The following ABCG5 variants were observed in gnomAD, a reference collection of about 807,000 sequenced individuals.
ABCG5 encodes the protein ATP binding cassette subfamily G member 5.
ABCG5 carries 64 observed loss-of-function variants against 64.5 expected under a neutral mutation model. The ratio of observed to expected loss-of-function variants is 0.99; its 90% CI spans 0.81 to 1.22. The LOEUF (loss-of-function observed/expected upper bound fraction) is 1.22, where lower values mean the gene tolerates loss of function less well. ABCG5 is among the 50% of genes most tolerant of loss of function. ABCG5 has a pLI of 0.00. For missense variants in ABCG5, 908 were observed against 829.5 expected, an observed-to-expected ratio of 1.09 and a Z score of -1.16; for synonymous variants, 385 against 326.3, an observed-to-expected ratio of 1.18 and a Z score of -1.94.
Position 43,824,015 on chromosome 2 carries a change from G to GA in ABCG5, c.1221_1222insT (p.Arg408SerfsTer88). 1 of 1,614,158 alleles carries GA rather than the reference G, an allele frequency of 6.2e-7. No homozygotes were observed. The highest frequency in any genetic ancestry group is 8.5e-7 in the Non-Finnish European group (1 of 1,180,032). ...ATAGCACCCTTTAGCACATTGCTTC[G>GA]GACCCGCAGAACGAAGAAAAGGAGG... On this transcript the variant is annotated frameshift_variant, in exon 9 of 13. Coordinates refer to ENST00000405322, the MANE Select transcript of ABCG5 (RefSeq NM_022436.3). LOFTEE classifies it high-confidence loss of function.
chr2:43,824,202 A>C lies in ABCG5; in HGVS notation c.1118+17T>G. 2 of 1,614,156 alleles carry C rather than the reference A, an allele frequency of 1.2e-6. No homozygotes were observed. Among genetic ancestry groups the C allele is most frequent in the Non-Finnish European group, 1.7e-6 (2 of 1,179,996 alleles). On this transcript the variant is annotated intron_variant, in intron 8 of 12. Coordinates refer to ENST00000405322, the MANE Select transcript of ABCG5 (RefSeq NM_022436.3). Reference sequence around the variant, plus strand: ...AAGACCTCTAACAGGCATTTCTCACATTTGTGAGCCTCTTACCTCAGGAGA... The same window carrying C: ...AAGACCTCTAACAGGCATTTCTCACCTTTGTGAGCCTCTTACCTCAGGAGA...
In ABCG5 at chr2:43,838,144, G is replaced by C; in HGVS notation, c.144-189C>G. The C allele has an allele frequency of 1.4e-6, 1 of 724,274 alleles. No homozygotes were observed. Among genetic ancestry groups the C allele is most frequent in the South Asian group, 1.8e-5 (1 of 56,474 alleles). The allele number at this position is 724,274 out of a possible 1,614,324, so 44.9% of individuals were successfully genotyped here. ...GCGACTGAGGCTGTCTGCCACGTAG[G>C]GAGGGGGCCTGTGCTGGAGTTGCTC... On this transcript the variant is annotated intron_variant, in intron 1 of 12. Transcript: ENST00000405322. The surrounding 1 kb of genome is among the most constrained non-coding windows in gnomAD (Gnocchi z 4.2).
chr2:43,815,927 A>AG (rs1666791336), intron 11 of ABCG5, among the ~76,000 whole-genome samples: 4 of 146,852 alleles, frequency 2.7e-5, no homozygotes, highest in Non-Finnish European at 5.9e-5. Context: ...AAAAAAAAAA[A>AG]GGACCAGACT....
upstream of ABCG5, chr2:43,839,137 C>G: frequency 6.4e-7 from 1 of 1,550,840 alleles, no homozygotes; most frequent in Non-Finnish European, 8.7e-7. Context: ...AATGGGAAGT[C>G]GGCCCAGGCC....
intron 10 of ABCG5, 24 bp downstream of exon 10, chr2:43,822,773 T>C (rs1310953735): frequency 1.9e-6 from 3 of 1,613,636 alleles, no homozygotes; most frequent in Non-Finnish European, 2.5e-6. Context: ...AGCCCGGCCC[T>C]GGGTGAACTG....
At chr2:43,810,416 C>A (rs1159992696), downstream of ABCG5, 1 of 985,244 alleles carries the variant, frequency 1.0e-6, no homozygotes, top group Non-Finnish European at 1.2e-6. Flanking sequence ...AGAAGCAGGA[C>A]AAAACATCAT....
At chr2:43,822,968 G>C in intron 9 of ABCG5, 33 bp from the exon 10 acceptor site, 10 of 1,612,322 alleles carry the variant, frequency 6.2e-6, no homozygotes, top group Non-Finnish European at 8.5e-6. Flanking sequence ...AGAACAGTCA[G>C]TCACCACCCA....
At chr2:43,832,964 T>G (rs6544712) in intron 2 of ABCG5, among the ~76,000 whole-genome samples, 3 of 151,786 alleles carry the variant, frequency 2.0e-5, no homozygotes, top group African/African-American at 2.4e-5. Flanking sequence ...CATGCACCAC[T>G]ACACCCGGCT....
chr2:43,818,873 T>A (rs1171301550), intron 11 of ABCG5, among the ~76,000 whole-genome samples: 1 of 152,176 alleles, frequency 6.6e-6, no homozygotes, highest in Non-Finnish European at 1.5e-5. Context: ...GAAATAGTGA[T>A]CTCTTTTTTA....
intron 7 of ABCG5, 30 bp downstream of exon 7, chr2:43,824,859 C>A: frequency 1.2e-6 from 2 of 1,612,714 alleles, no homozygotes; most frequent in South Asian, 1.1e-5. Context: ...AAAAAACATT[C>A]ATGATGGGGA....
intron 11 of ABCG5, among the ~76,000 whole-genome samples, chr2:43,819,141 T>G (rs936235277): frequency 7.9e-5 from 12 of 152,204 alleles, no homozygotes; most frequent in Admixed American, 5.2e-4. Context: ...GATTTTTACA[T>G]TTTTAAGTCA....
intron 4 of ABCG5, among the ~76,000 whole-genome samples, chr2:43,829,604 C>T (rs1024031646): frequency 6.6e-6 from 1 of 152,210 alleles, no homozygotes; most frequent in Non-Finnish European, 1.5e-5. Context: ...CAGCTTATCT[C>T]CTCTCCAGAG....
chr2:43,823,051 G>C (rs948646134), intron 9 of ABCG5, 116 bp from the exon 10 acceptor site: 1 of 1,420,120 alleles, frequency 7.0e-7, no homozygotes, highest in African/African-American at 1.4e-5. Flanking sequence ...CCAGCTAGGG[G>C]GGTTCCCTAG....
At chr2:43,828,356 C>A in intron 4 of ABCG5, 1 of 537,910 alleles carries the variant, frequency 1.9e-6, no homozygotes, top group Non-Finnish European at 3.3e-6. Flanking sequence ...TCCCCAGAGG[C>A]TGGGTGCAGT....
At chr2:43,830,659 A>G (rs546984414) in intron 4 of ABCG5, among the ~76,000 whole-genome samples, 20 of 152,256 alleles carry the variant, frequency 1.3e-4, no homozygotes, top group African/African-American at 4.6e-4. Flanking sequence ...ATGACTCTCA[A>G]TTGGAGAGAA....
rs1179264144 is a variant in ABCG5, at chr2:43,835,001, T to C, written c.265+2833A>G. Among the ~76,000 whole-genome samples the C allele has an allele frequency of 2.0e-5, 3 of 152,242 alleles. No homozygotes were observed. In the East Asian group the frequency reaches 5.8e-4, roughly 29 times the overall value. Reference sequence around the variant, plus strand: ...TTCATAAAATTATTTTACTCCTTTATTCAACAAATATTTATTAAGCACCCA... The same window carrying C: ...TTCATAAAATTATTTTACTCCTTTACTCAACAAATATTTATTAAGCACCCA... On this transcript the variant is annotated intron_variant, in intron 2 of 12. Transcript: ENST00000405322.
At chr2:43,819,093 T>C (rs1667028501) in intron 11 of ABCG5, among the ~76,000 whole-genome samples, 1 of 152,224 alleles carries the variant, frequency 6.6e-6, no homozygotes, top group African/African-American at 2.4e-5. Flanking sequence ...TATACTTTTA[T>C]ATAGTAGATG....
chr2:43,809,359 A>G (rs1483707161), downstream of ABCG5, among the ~76,000 whole-genome samples: 1 of 152,184 alleles, frequency 6.6e-6, no homozygotes, highest in African/African-American at 2.4e-5. Context: ...AACAGCAAAC[A>G]ATTAAAATAA....
At chr2:43,828,241 C>A in intron 4 of ABCG5, 126 bp from the exon 5 acceptor site, 2 of 1,277,746 alleles carry the variant, frequency 1.6e-6, no homozygotes, top group Non-Finnish European at 2.2e-6. Flanking sequence ...TCCAGACTCA[C>A]CACACCCTGG....
Sources: allele counts gnomAD v4.1 joint callset (sites outside exome capture counted in the v4.1 genomes callset), GRCh38; gene constraint gnomAD v4.1.1; non-coding constraint Gnocchi (gnomAD v3.1); transcripts MANE v1.5; gene names NCBI Gene and HGNC (gene_info 2026-07-23, HGNC 2026-07-21).